SEMA3C: variants seen among roughly 807,000 people sequenced by gnomAD.
SEMA3C encodes the protein semaphorin 3C.
SEMA3C carries 47 observed loss-of-function variants against 89.4 expected under a neutral mutation model. The observed-to-expected ratio is 0.53, with a 90% CI of 0.42 to 0.67. The LOEUF (loss-of-function observed/expected upper bound fraction) is 0.67. Among genes scored for constraint, SEMA3C ranks in the 30% least tolerant of loss-of-function variants. SEMA3C has a pLI of 0.00. For synonymous variants in SEMA3C, 310 were observed against 320.2 expected (o/e 0.97, Z 0.34); for missense variants, 839 against 929.1 (o/e 0.90, Z 1.26).
chr7:80,910,401 C>G (rs1402168932), intron 2 of SEMA3C, among the ~76,000 whole-genome samples: 3 of 152,184 alleles, frequency 2.0e-5, no homozygotes, highest in Non-Finnish European at 4.4e-5. Flanking sequence ...CCATCTTTTA[C>G]AGCTCAGCAA....
chr7:80,852,165 C>T lies in SEMA3C; in HGVS notation c.104-23420G>A, dbSNP rs79113291. On this transcript the variant is annotated intron_variant, in intron 2 of 17. Coordinates refer to ENST00000265361, the MANE Select transcript of SEMA3C (RefSeq NM_006379.5). ...ACACATTTGGTTGGAAGCAGACGAA[C>T]CCCTTTATTATATCCCCTCAGTAGG... is the stretch of plus-strand genomic sequence containing the variant. 6.7e-3 allele frequency among the ~76,000 whole-genome samples: 1,017 copies of T among 152,258 alleles called. 54 individuals are homozygous for T. In the East Asian group the frequency reaches 0.13, roughly 19 times the overall value.
intron 2 of SEMA3C, among the ~76,000 whole-genome samples, chr7:80,895,661 G>A (rs1024104826): frequency 6.6e-6 from 1 of 151,792 alleles, no homozygotes; most frequent in African/African-American, 2.4e-5. Flanking sequence ...AACATAAAAG[G>A]GTCTCAGGAA....
At chr7:80,906,968 G>T (rs183844681) in intron 2 of SEMA3C, among the ~76,000 whole-genome samples, 1 of 151,916 alleles carries the variant, frequency 6.6e-6, no homozygotes, top group Non-Finnish European at 1.5e-5. Flanking sequence ...ATAACCAAAG[G>T]TTATAATACT....
At chr7:80,776,656 A>G (rs1347627749) in intron 12 of SEMA3C, among the ~76,000 whole-genome samples, 1 of 152,224 alleles carries the variant, frequency 6.6e-6, no homozygotes, top group Non-Finnish European at 1.5e-5. Context: ...TCCAAATGAA[A>G]GAAATGCCAC....
chr7:80,827,318 A>C, intron 4 of SEMA3C, 107 bp downstream of exon 4: 1 of 1,205,118 alleles, frequency 8.3e-7, no homozygotes, highest in Non-Finnish European at 1.1e-6. Flanking sequence ...AAAAATTTAA[A>C]ACACCACCAT....
intron 11 of SEMA3C, chr7:80,796,527 A>G (rs12669032): frequency 0.35 from 53,455 of 152,012 alleles, 9,661 homozygotes; most frequent in East Asian, 0.52. Context: ...ACAGGCGCCC[A>G]CCACCACACC....
Position 80,797,826 on chromosome 7 carries a change from T to C in SEMA3C, c.1131+266A>G, listed in dbSNP as rs186706324. Among the ~76,000 whole-genome samples, 1,214 of 152,182 alleles carry C rather than the reference T, an allele frequency of 8.0e-3. 18 individuals carry two copies. The highest frequency in any genetic ancestry group is 0.027 in the African/African-American group (1,114 of 41,536). ...CAGCCTGACCAACATGGTGAAACCCTGTCTCTACTAAAAACACAAAAATTA... is the reference window on the plus strand; with the variant it reads ...CAGCCTGACCAACATGGTGAAACCCCGTCTCTACTAAAAACACAAAAATTA... On this transcript the variant is annotated intron_variant, in intron 11 of 17. Transcript: ENST00000265361.
chr7:80,750,275 TAGTTTA>T (rs1463859751), intron 16 of SEMA3C, among the ~76,000 whole-genome samples: 1 of 151,340 alleles, frequency 6.6e-6, no homozygotes, highest in African/African-American at 2.4e-5. Context: ...AGGAAGGAAT[TAGTTTA>T]ATTGAGGGAC....
intron 2 of SEMA3C, among the ~76,000 whole-genome samples, chr7:80,878,085 A>T (rs1409419153): frequency 6.6e-6 from 1 of 151,992 alleles, no homozygotes; most frequent in Admixed American, 6.6e-5. Context: ...CCCATAGAAT[A>T]AAAAAAATGA....
At chr7:80,785,614 G>C (rs1208476262) in intron 12 of SEMA3C, among the ~76,000 whole-genome samples, 1 of 152,198 alleles carries the variant, frequency 6.6e-6, no homozygotes, top group Non-Finnish European at 1.5e-5. Context: ...AACAGGAAGA[G>C]AGAACTCTCT....
chr7:80,884,027 T>C (rs1302911974), intron 2 of SEMA3C, among the ~76,000 whole-genome samples: 2 of 152,206 alleles, frequency 1.3e-5, no homozygotes, highest in African/African-American at 4.8e-5. Flanking sequence ...AAATTCCATT[T>C]TGGCAAAAAT....
chr7:80,851,470 C>T (rs1312393991), intron 2 of SEMA3C, among the ~76,000 whole-genome samples: 5 of 140,600 alleles, frequency 3.6e-5, no homozygotes, highest in East Asian at 2.1e-4. Flanking sequence ...TGCCACTGCG[C>T]TCCAGCTGGG....
At chr7:80,808,719 G>T (rs1023669863) in intron 6 of SEMA3C, among the ~76,000 whole-genome samples, 5 of 152,016 alleles carry the variant, frequency 3.3e-5, no homozygotes, top group African/African-American at 1.2e-4. Flanking sequence ...AAAGCAAAGA[G>T]GAAAAGACGT....
intron 2 of SEMA3C, chr7:80,915,667 G>A (rs1446219999): frequency 2.0e-5 from 3 of 151,288 alleles, no homozygotes; most frequent in Non-Finnish European, 4.4e-5. Context: ...GCTTGAACCT[G>A]GGAGGTGGAG....
intron 2 of SEMA3C, among the ~76,000 whole-genome samples, chr7:80,913,603 C>T (rs559614891): frequency 6.6e-6 from 1 of 152,116 alleles, no homozygotes; most frequent in Non-Finnish European, 1.5e-5. Flanking sequence ...TTTGTGTGAA[C>T]CTTATATTCA....
intron 4 of SEMA3C, among the ~76,000 whole-genome samples, chr7:80,820,952 T>C (rs992393901): frequency 2.6e-5 from 4 of 152,202 alleles, no homozygotes; most frequent in Admixed American, 1.3e-4. Context: ...TTGGGTCTTA[T>C]GGATGTCAAT....
chr7:80,816,945 G>T (rs1208669622), intron 5 of SEMA3C, among the ~76,000 whole-genome samples: 1 of 152,154 alleles, frequency 6.6e-6, no homozygotes, highest in Admixed American at 6.5e-5. Flanking sequence ...TCTGAAAATG[G>T]CTATGCTATT....
intron 2 of SEMA3C, among the ~76,000 whole-genome samples, chr7:80,869,019 A>G (rs924057200): frequency 2.6e-5 from 4 of 152,234 alleles, no homozygotes; most frequent in African/African-American, 9.6e-5. Flanking sequence ...AATTAGGTAT[A>G]TATTTAAGAG....
chr7:80,864,543 A>C, intron 2 of SEMA3C, among the ~76,000 whole-genome samples: 1 of 152,116 alleles, frequency 6.6e-6, no homozygotes, highest in Non-Finnish European at 1.5e-5. Context: ...AAATATATTA[A>C]GAAAAATAGG....
Sources: allele counts gnomAD v4.1 joint callset (sites outside exome capture counted in the v4.1 genomes callset), GRCh38; gene constraint gnomAD v4.1.1; transcripts MANE v1.5; gene names NCBI Gene and HGNC (gene_info 2026-07-23, HGNC 2026-07-21).